The following SLA2 variants were observed in gnomAD, a reference collection of about 807,000 sequenced individuals.
SLA2 encodes Src like adaptor 2.
SLA2 carries 22 observed loss-of-function variants against 27.3 expected under a neutral mutation model. That is an observed-to-expected ratio of 0.81 (90% CI 0.58 to 1.15). The LOEUF (loss-of-function observed/expected upper bound fraction) is 1.15, where lower values mean the gene tolerates loss of function less well. Among genes scored for constraint, SLA2 ranks in the 50% most tolerant of loss-of-function variants. The pLI, the probability that SLA2 is intolerant of heterozygous loss-of-function variation, is 0.00. For synonymous variants in SLA2, 131 were observed against 137.8 expected (o/e 0.95, Z 0.34); for missense variants, 304 against 322.2 (o/e 0.94, Z 0.43).
At chr20:36,621,575 G>A (rs1342499921) in intron 5 of SLA2, among the ~76,000 whole-genome samples, 3 of 135,180 alleles carry the variant, frequency 2.2e-5, no homozygotes, top group Middle Eastern at 3.8e-3. Flanking sequence ...GCAGTGAGCC[G>A]AGATCGCGCC....
At chr20:36,624,394 C>A (rs891225560) in intron 5 of SLA2, among the ~76,000 whole-genome samples, 3 of 152,304 alleles carry the variant, frequency 2.0e-5, no homozygotes, top group South Asian at 2.1e-4. Flanking sequence ...CACACTCACA[C>A]CCTGGCACTC....
chr20:36,628,853 G>A (rs1476384638), intron 5 of SLA2, among the ~76,000 whole-genome samples: 1 of 151,892 alleles, frequency 6.6e-6, no homozygotes, highest in Admixed American at 6.6e-5. Flanking sequence ...ACTGCACCTG[G>A]CCCCTAAACT....
At chr20:36,622,366 AAC>A (rs1555792172) in intron 5 of SLA2, among the ~76,000 whole-genome samples, 5 of 151,900 alleles carry the variant, frequency 3.3e-5, no homozygotes, top group African/African-American at 1.2e-4. Context: ...AAAAAAAAAA[AAC>A]AAAAAACTGA....
At chr20:36,638,300 AAT>A (rs2039473211) in intron 2 of SLA2, among the ~76,000 whole-genome samples, 1 of 151,696 alleles carries the variant, frequency 6.6e-6, no homozygotes, top group South Asian at 2.1e-4. Context: ...TGAGATGGGG[AAT>A]TTAGGCAATT....
Position 36,613,908 on chromosome 20 carries a change from G to A in SLA2, c.744C>T (p.Tyr248=). The change falls in exon 8 of 8, where the codon TAC becomes TAT. Residue 248 remains tyrosine, a synonymous_variant. Transcript: ENST00000262866. ...SEGLRESLSF[Y]ISLNDEAVSL... ...AGACAGCCTCGTCATTCAGGCTGAT[G>A]TAGAAGCTGAGGGACTCCCGGAGAC... The A allele has an allele frequency of 1.2e-6, 2 of 1,614,088 alleles. No individual in the cohort carries two copies. Among genetic ancestry groups the A allele is most frequent in the Non-Finnish European group, 1.7e-6 (2 of 1,180,000 alleles).
At chr20:36,619,342 A>G (rs549921845) in intron 5 of SLA2, among the ~76,000 whole-genome samples, 1 of 151,598 alleles carries the variant, frequency 6.6e-6, no homozygotes, top group South Asian at 2.1e-4. Context: ...CCTGGCCAAC[A>G]TGGTGAAACC....
chr20:36,632,476 G>A, intron 5 of SLA2, 119 bp downstream of exon 5: 2 of 748,556 alleles, frequency 2.7e-6, no homozygotes, highest in Non-Finnish European at 4.5e-6. Context: ...GGAAATCTTG[G>A]TTGACTGAGA....
chr20:36,626,103 A>G (rs1355543266), intron 5 of SLA2, among the ~76,000 whole-genome samples: 1 of 152,150 alleles, frequency 6.6e-6, no homozygotes, highest in Non-Finnish European at 1.5e-5. Flanking sequence ...TGACTTTAAA[A>G]AAAAATACAG....
rs368031469 is a variant in SLA2, at chr20:36,636,945, C to T, written c.92-2356G>A. Among the ~76,000 whole-genome samples the T allele has an allele frequency of 4.5e-4, 68 of 151,578 alleles. No individual in the cohort carries two copies. The East Asian group carries it at 0.01, about 23-fold the overall frequency. On this transcript the variant is annotated intron_variant, in intron 2 of 7. Transcript: ENST00000262866. The stretch of plus-strand genomic sequence containing the variant: ...CAGCATGGGCAACACAGCAAGATTC[C>T]GTCCCCCACCCCCCCCAAAAAAAGA...
chr20:36,621,340 G>A, intron 5 of SLA2: 1 of 616,006 alleles, frequency 1.6e-6, no homozygotes, highest in Non-Finnish European at 3.1e-6. Flanking sequence ...AGGCAGTTTT[G>A]GTGGAAGAAG....
chr20:36,634,849 A>G (rs1285521732), intron 2 of SLA2, among the ~76,000 whole-genome samples: 1 of 151,784 alleles, frequency 6.6e-6, no homozygotes, highest in African/African-American at 2.4e-5. Context: ...TTGCTCCATC[A>G]CCACTGCACG....
In SLA2 at chr20:36,613,824, A is replaced by G; in HGVS notation, c.*42T>C. 4 of 1,339,174 alleles carry G rather than the reference A, an allele frequency of 3.0e-6. No individual in the cohort carries two copies. Among genetic ancestry groups the G allele is most frequent in the African/African-American group, 3.1e-5 (2 of 64,616 alleles). The allele number at this position is 1,339,174 out of a possible 1,614,324, so 83.0% of individuals were successfully genotyped here. On this transcript the variant is annotated 3_prime_UTR_variant, in exon 8 of 8. Coordinates refer to ENST00000262866, the MANE Select transcript of SLA2 (RefSeq NM_032214.4). Reference sequence around the variant, plus strand: ...GCCCAGGAGGCTGAATTGGGGTTCTAGGTGTGCAGCCTTGGTTTCCCTTTT... The same window carrying G: ...GCCCAGGAGGCTGAATTGGGGTTCTGGGTGTGCAGCCTTGGTTTCCCTTTT...
At chr20:36,622,613 A>G (rs6101482) in intron 5 of SLA2, among the ~76,000 whole-genome samples, 3,998 of 152,258 alleles carry the variant, frequency 0.026, 186 homozygotes, top group African/African-American at 0.091. Flanking sequence ...GGTGTCAGCA[A>G]GGCAATGTTC....
At chr20:36,631,166 T>G (rs997784900) in intron 5 of SLA2, among the ~76,000 whole-genome samples, 6 of 151,414 alleles carry the variant, frequency 4.0e-5, no homozygotes, top group Admixed American at 6.6e-5. Context: ...TCACTTTTAT[T>G]TTTTGAAATG....
intron 5 of SLA2, chr20:36,621,224 A>G: frequency 3.8e-6 from 2 of 532,642 alleles, no homozygotes; most frequent in Non-Finnish European, 7.3e-6. Flanking sequence ...GATGGTTACA[A>G]TGAAGGAGGA....
chr20:36,641,293 T>C lies in SLA2; in HGVS notation c.43A>G (p.Ser15Gly), dbSNP rs553864073. ...TGGCCTTGGACAGAGGAACTCAAGCTTGGGCTTGGCAGAGATTTTCTTCTG... is the reference window on the plus strand; with the variant it reads ...TGGCCTTGGACAGAGGAACTCAAGCCTGGGCTTGGCAGAGATTTTCTTCTG... ...PSRRKSLPSP[S>G]LSSSVQGQGP... The change falls in exon 2 of 8, where the codon AGC (serine) becomes GGC (glycine). Residue 15 changes from serine to glycine, a missense_variant. Physicochemically the swap from Ser to Gly is moderately conservative, Grantham distance 56. Coordinates refer to ENST00000262866, the MANE Select transcript of SLA2 (RefSeq NM_032214.4). 1 of 1,614,128 alleles carries C rather than the reference T, an allele frequency of 6.2e-7. No individual in the cohort carries two copies. The highest frequency in any genetic ancestry group is 1.7e-5 in the Admixed American group (1 of 60,020).
At chr20:36,624,713 G>C (rs1305736958) in intron 5 of SLA2, among the ~76,000 whole-genome samples, 1 of 152,222 alleles carries the variant, frequency 6.6e-6, no homozygotes, top group East Asian at 1.9e-4. Flanking sequence ...AATGATTCTT[G>C]AAGGCCTATC....
chr20:36,636,196 T>TCG (rs2147993558), intron 2 of SLA2, among the ~76,000 whole-genome samples: 1 of 151,204 alleles, frequency 6.6e-6, no homozygotes. Context: ...GGCGGGTGGA[T>TCG]CATGAGGTCA....
chr20:36,619,030 C>T (rs1290565867), intron 5 of SLA2, among the ~76,000 whole-genome samples: 10 of 148,208 alleles, frequency 6.7e-5, no homozygotes, highest in Admixed American at 6.1e-4. Flanking sequence ...GATTGAGATG[C>T]GTCTGACTAA....
Sources: allele counts gnomAD v4.1 joint callset (sites outside exome capture counted in the v4.1 genomes callset), GRCh38; gene constraint gnomAD v4.1.1; transcripts MANE v1.5; gene names NCBI Gene and HGNC (gene_info 2026-07-23, HGNC 2026-07-21).